The following CAMK4 variants were observed in gnomAD, a reference collection of about 807,000 sequenced individuals.
CAMK4 encodes calcium/calmodulin dependent protein kinase IV, also known as calcium/calmodulin-dependent protein kinase type IV.
CAMK4 carries 22 observed loss-of-function variants against 44.9 expected under a neutral mutation model. The ratio of observed to expected loss-of-function variants is 0.49; its 90% CI spans 0.35 to 0.70. The LOEUF is 0.70. Ranked by LOEUF, CAMK4 falls within the 30% of genes least tolerant of loss-of-function variation. The pLI is 0.01. For synonymous variants in CAMK4, 218 were observed against 215.4 expected (o/e 1.01, Z -0.11); for missense variants, 498 against 586.8 (o/e 0.85, Z 1.56).
At chr5:111,411,445 T>C (rs151216770) in intron 5 of CAMK4, among the ~76,000 whole-genome samples, 1 of 152,348 alleles carries the variant, frequency 6.6e-6, no homozygotes, top group East Asian at 1.9e-4. Flanking sequence ...TCTTATGTAA[T>C]GCTTTATGCA....
chr5:111,470,387 G>A (rs1229822776), intron 7 of CAMK4, among the ~76,000 whole-genome samples: 1 of 152,160 alleles, frequency 6.6e-6, no homozygotes, highest in Non-Finnish European at 1.5e-5. Flanking sequence ...TCCTTAAAGG[G>A]TGCATCTTGC....
At chr5:111,441,984 T>C (rs1429177802) in intron 5 of CAMK4, among the ~76,000 whole-genome samples, 22 of 152,200 alleles carry the variant, frequency 1.4e-4, no homozygotes. Context: ...GTAATGAGAT[T>C]AGTGTTGATG....
rs186061892 is a variant in CAMK4, at chr5:111,441,722, T to C, written c.460-4964T>C. Among the ~76,000 whole-genome samples the C allele has an allele frequency of 3.5e-4, 53 of 152,362 alleles. No individual in the cohort carries two copies. In the East Asian group the frequency reaches 8.9e-3, roughly 25 times the overall value. On this transcript the variant is annotated intron_variant, in intron 5 of 10. Transcript: ENST00000282356. ...TTTATTCTAGAATACCCAGTTACCA[T>C]GTTTTTATTCTTTCTAGTGCATTTA...
intron 1 of CAMK4, among the ~76,000 whole-genome samples, chr5:111,266,855 A>G (rs779258266): frequency 1.2e-4 from 19 of 152,350 alleles, no homozygotes; most frequent in Middle Eastern, 6.8e-3. Context: ...TTTGATGTCA[A>G]TGACCACACC....
intron 1 of CAMK4, among the ~76,000 whole-genome samples, chr5:111,327,167 C>A (rs1404803573): frequency 1.4e-5 from 2 of 147,580 alleles, no homozygotes; most frequent in Non-Finnish European, 3.0e-5. Context: ...CCTCCCCCAA[C>A]TCCACAACAG....
At chr5:111,483,623 G>T (rs1755506412) in intron 10 of CAMK4, among the ~76,000 whole-genome samples, 1 of 152,044 alleles carries the variant, frequency 6.6e-6, no homozygotes, top group Non-Finnish European at 1.5e-5. Context: ...ACTTCACCTA[G>T]GATTTCTCCA....
chr5:111,457,514 C>T (rs1016008684), intron 7 of CAMK4, among the ~76,000 whole-genome samples: 1 of 152,186 alleles, frequency 6.6e-6, no homozygotes, highest in Non-Finnish European at 1.5e-5. Context: ...ACACACTTGC[C>T]ACATTGCTAC....
In CAMK4 at chr5:111,289,073, G is replaced by A. The variant is rs1220807420; in HGVS notation, c.162-54951G>A. Among the ~76,000 whole-genome samples, 3 of 152,198 alleles carry A rather than the reference G, an allele frequency of 2.0e-5. No homozygotes were observed. In the East Asian group the frequency reaches 5.8e-4, roughly 29 times the overall value. On this transcript the variant is annotated intron_variant, in intron 1 of 10. Transcript: ENST00000282356. Reference sequence around the variant, plus strand: ...GTTGAAATACAGGCATGGGCTGGGTGTGGTGGCTCATGCCTGTAATCCCAG... The same window carrying A: ...GTTGAAATACAGGCATGGGCTGGGTATGGTGGCTCATGCCTGTAATCCCAG...
intron 5 of CAMK4, among the ~76,000 whole-genome samples, chr5:111,433,521 T>C (rs578119929): frequency 6.6e-6 from 1 of 152,212 alleles, no homozygotes; most frequent in South Asian, 2.1e-4. Flanking sequence ...AAATCACACA[T>C]CATTATTTCC....
In CAMK4 at chr5:111,449,317, G is replaced by T. The variant is rs560490082; in HGVS notation, c.625+114G>T. The T allele has an allele frequency of 4.4e-4, 234 of 530,748 alleles. 1 individual carries two copies. Among genetic ancestry groups the T allele is most frequent in the Non-Finnish European group, 3.1e-4 (94 of 300,246 alleles). The allele number at this position is 530,748 out of a possible 1,614,324, so 32.9% of individuals were successfully genotyped here. The stretch of plus-strand genomic sequence containing the variant: ...TTCTATTTATAAATGCTTAAAATTT[G>T]TTGCAAATCTCTATGAGGAAGGCAT... On this transcript the variant is annotated intron_variant, in intron 7 of 10. Transcript: ENST00000282356.
chr5:111,354,327 C>T (rs1036255114), intron 2 of CAMK4, among the ~76,000 whole-genome samples: 3 of 151,650 alleles, frequency 2.0e-5, no homozygotes, highest in Non-Finnish European at 4.4e-5. Context: ...TACAAACTTT[C>T]AGTTGTGTAA....
intron 1 of CAMK4, among the ~76,000 whole-genome samples, chr5:111,339,633 G>A (rs1749555617): frequency 1.3e-5 from 2 of 151,360 alleles, no homozygotes; most frequent in Non-Finnish European, 1.5e-5. Context: ...CTATAGCTTT[G>A]TAGTAGATTT....
At chr5:111,410,529 T>C (rs1752595908) in intron 5 of CAMK4, among the ~76,000 whole-genome samples, 1 of 152,206 alleles carries the variant, frequency 6.6e-6, no homozygotes, top group South Asian at 2.1e-4. Flanking sequence ...TGTTATTCTT[T>C]CATTGATTGT....
intron 1 of CAMK4, among the ~76,000 whole-genome samples, chr5:111,285,164 T>C (rs1751188449): frequency 6.6e-6 from 1 of 152,190 alleles, no homozygotes; most frequent in African/African-American, 2.4e-5. Context: ...AAAGTGATCA[T>C]GGTACACTAG....
chr5:111,360,950 A>G (rs1028801486), intron 2 of CAMK4, among the ~76,000 whole-genome samples: 9 of 152,052 alleles, frequency 5.9e-5, no homozygotes, highest in African/African-American at 2.2e-4. Flanking sequence ...GTATGATTAT[A>G]TTATTTTTTG....
At chr5:111,363,285 A>G (rs2112800337) in intron 2 of CAMK4, among the ~76,000 whole-genome samples, 1 of 152,084 alleles carries the variant, frequency 6.6e-6, no homozygotes, top group East Asian at 1.9e-4. Flanking sequence ...CAGGATGAGA[A>G]CTGACCAACC....
chr5:111,343,608 T>A (rs1442200776), intron 1 of CAMK4, among the ~76,000 whole-genome samples: 1 of 151,660 alleles, frequency 6.6e-6, no homozygotes, highest in African/African-American at 2.4e-5. Flanking sequence ...CTATATAGAG[T>A]GCTTAACCTA....
chr5:111,431,992 C>A (rs1205428341), intron 5 of CAMK4, among the ~76,000 whole-genome samples: 1 of 152,120 alleles, frequency 6.6e-6, no homozygotes, highest in Non-Finnish European at 1.5e-5. Context: ...ATCCAGCAAT[C>A]CCATTGTTGG....
intron 7 of CAMK4, among the ~76,000 whole-genome samples, chr5:111,450,767 G>A (rs975936381): frequency 6.6e-6 from 1 of 151,252 alleles, no homozygotes; most frequent in Non-Finnish European, 1.5e-5. Flanking sequence ...CAGTCTGGGT[G>A]ACAAGAGTGA....
Sources: gnomAD v4.1 joint callset for allele counts (sites outside exome capture counted in the v4.1 genomes callset) on GRCh38, gnomAD v4.1.1 for gene constraint, MANE v1.5 for transcripts, NCBI Gene and HGNC (gene_info 2026-07-23, HGNC 2026-07-21) for gene names.